The following LIMCH1 variants were observed in gnomAD, a reference collection of about 807,000 sequenced individuals.
The protein encoded by LIMCH1 is LIM and calponin homology domains 1, also known as LIM and calponin homology domains-containing protein 1.
Under a neutral mutation model 176.5 loss-of-function variants are expected in LIMCH1, and 113 were observed. That is an observed-to-expected ratio of 0.64 (90% CI 0.55 to 0.75). LIMCH1 has a LOEUF of 0.75. LIMCH1 is among the 30% of genes least tolerant of loss of function. The pLI, the probability that LIMCH1 is intolerant of heterozygous loss-of-function variation, is 0.00. For missense variants in LIMCH1, 1,674 were observed against 1,814.9 expected, an observed-to-expected ratio of 0.92 and a Z score of 1.41; for synonymous variants, 619 against 645.9, an observed-to-expected ratio of 0.96 and a Z score of 0.63.
intron 1 of LIMCH1, among the ~76,000 whole-genome samples, chr4:41,411,815 C>T (rs571751861): frequency 5.9e-5 from 9 of 151,524 alleles, no homozygotes; most frequent in East Asian, 5.8e-4. Context: ...AAAATTAGCC[C>T]GGCGTGGTGG....
chr4:41,603,882 G>T lies in LIMCH1; in HGVS notation c.-126G>T. On this transcript the variant is annotated 5_prime_UTR_variant, in exon 3 of 32. Transcript: ENST00000503057. The stretch of plus-strand genomic sequence containing the variant: ...TTCCCTTTCCTTGACTAGGAGCCTT[G>T]ATTATAGTAGGAAGCTGAAAAATGT... 6.2e-7 allele frequency: 1 copy of T among 1,606,462 alleles called. No homozygotes were observed. The highest frequency in any genetic ancestry group is 1.1e-5 in the South Asian group (1 of 90,496).
intron 1 of LIMCH1, among the ~76,000 whole-genome samples, chr4:41,569,155 G>A (rs746976080): frequency 3.3e-5 from 5 of 152,138 alleles, no homozygotes; most frequent in Non-Finnish European, 7.4e-5. Flanking sequence ...ATAATGCTGC[G>A]TGACCTGTTA....
chr4:41,638,076 A>T (rs2093665529), intron 13 of LIMCH1, among the ~76,000 whole-genome samples: 1 of 151,258 alleles, frequency 6.6e-6, no homozygotes, highest in African/African-American at 2.4e-5. Context: ...TGCTGAAGAG[A>T]CAGGCATTTG....
intron 10 of LIMCH1, 94 bp downstream of exon 10, chr4:41,631,571 A>G: frequency 9.4e-7 from 1 of 1,062,506 alleles, no homozygotes; most frequent in East Asian, 2.6e-5. Context: ...GCCCCTAGAG[A>G]TGACATAGTT....
Position 41,620,381 on chromosome 4 carries a change from C to G in LIMCH1, c.459-43C>G, listed in dbSNP as rs1186418019. 3 of 1,516,780 alleles carry G rather than the reference C, an allele frequency of 2.0e-6. No homozygotes were observed. The Admixed American group carries it at 6.0e-5, about 30-fold the overall frequency. 94.0% of individuals were successfully genotyped at this position (1,516,780 alleles called of 1,614,324 possible). ...AGATGACATGGGGTCTGCTCCCCAGCCCAGTCTGTTAGTTTGGTAAACCAT... is the reference window on the plus strand; with the variant it reads ...AGATGACATGGGGTCTGCTCCCCAGGCCAGTCTGTTAGTTTGGTAAACCAT... On this transcript the variant is annotated intron_variant, in intron 6 of 31. Transcript: ENST00000503057.
chr4:41,512,348 C>T (rs1224876130), intron 2 of LIMCH1, among the ~76,000 whole-genome samples: 1 of 152,104 alleles, frequency 6.6e-6, no homozygotes, highest in East Asian at 1.9e-4. Context: ...TTTGGCAGTT[C>T]CTCAAAAGGT....
At chr4:41,633,416 A>T in intron 12 of LIMCH1, 132 bp from the exon 13 acceptor site, 1 of 1,076,734 alleles carries the variant, frequency 9.3e-7, no homozygotes, top group Non-Finnish European at 1.3e-6. Flanking sequence ...TTTCCTGCTC[A>T]GCTGCTCTGT....
In LIMCH1 at chr4:41,546,058, A is replaced by G. The variant is rs139737326; in HGVS notation, c.-241+7708A>G. On this transcript the variant is annotated intron_variant, in intron 1 of 31. Coordinates refer to ENST00000503057, the MANE Select transcript of LIMCH1 (RefSeq NM_001330672.2). ...GATTTCTAAGCAGATATTTGATGATATATTGTTATAGGAATAAAAAATATG... is the reference window on the plus strand; with the variant it reads ...GATTTCTAAGCAGATATTTGATGATGTATTGTTATAGGAATAAAAAATATG... 3.1e-3 allele frequency among the ~76,000 whole-genome samples: 466 copies of G among 152,320 alleles called. 4 individuals carry two copies. Among genetic ancestry groups the G allele is most frequent in the African/African-American group, 0.01 (433 of 41,570 alleles).
chr4:41,462,796 T>G (rs143567304), intron 1 of LIMCH1, among the ~76,000 whole-genome samples: 1 of 152,176 alleles, frequency 6.6e-6, no homozygotes, highest in African/African-American at 2.4e-5. Flanking sequence ...CTGTTTGGCT[T>G]TTTTTCCCCC....
At chr4:41,373,949 T>C (rs2054346230) in intron 1 of LIMCH1, among the ~76,000 whole-genome samples, 1 of 152,190 alleles carries the variant, frequency 6.6e-6, no homozygotes, top group South Asian at 2.1e-4. Flanking sequence ...TCTCTCTTCC[T>C]CCTGTTCCTA....
chr4:41,579,567 C>T (rs774818856), intron 1 of LIMCH1, among the ~76,000 whole-genome samples: 7 of 152,132 alleles, frequency 4.6e-5, no homozygotes, highest in South Asian at 2.1e-4. Context: ...AACAGTGATC[C>T]GCATCATGTA....
chr4:41,697,265 C>A lies in LIMCH1; in HGVS notation c.*80C>A. 2.3e-6 allele frequency: 3 copies of A among 1,318,276 alleles called. No individual in the cohort carries two copies. The highest frequency in any genetic ancestry group is 2.3e-5 in the East Asian group (1 of 43,184). The allele number at this position is 1,318,276 out of a possible 1,614,324, so 81.7% of individuals were successfully genotyped here. A position where few individuals can be genotyped will look rare whatever the true frequency, so the allele number is the denominator to read the frequency against. ...GGCAACTGCTTAACAAAATCCCAAGCTCAGGGGCTTCTCAGCATTTACCTA... is the reference window on the plus strand; with the variant it reads ...GGCAACTGCTTAACAAAATCCCAAGATCAGGGGCTTCTCAGCATTTACCTA... On this transcript the variant is annotated 3_prime_UTR_variant, in exon 32 of 32. Transcript: ENST00000503057.
At position 41,684,528 on chromosome 4, in the gene LIMCH1, G is replaced by A; in HGVS notation, c.3967+10G>A. 1.2e-6 allele frequency: 2 copies of A among 1,611,708 alleles called. No homozygotes were observed. Among genetic ancestry groups the A allele is most frequent in the Non-Finnish European group, 1.7e-6 (2 of 1,179,054 alleles). On this transcript the variant is annotated intron_variant, in intron 27 of 31. Coordinates refer to ENST00000503057, the MANE Select transcript of LIMCH1 (RefSeq NM_001330672.2). ...CCACAGCTTGCTCAGGGTAAGAATG[G>A]AGAAGACCAGTTTCATTCAATGTTT...
chr4:41,522,250 G>A (rs1359993051), intron 2 of LIMCH1, among the ~76,000 whole-genome samples: 1 of 152,184 alleles, frequency 6.6e-6, no homozygotes, highest in Non-Finnish European at 1.5e-5. Context: ...ATGTATGGAT[G>A]AGGGGTCTCC....
At chr4:41,634,989 A>G (rs1385166509) in intron 13 of LIMCH1, among the ~76,000 whole-genome samples, 1 of 152,202 alleles carries the variant, frequency 6.6e-6, no homozygotes, top group Non-Finnish European at 1.5e-5. Context: ...GGTGAGGCCT[A>G]GAGACTGCCT....
At chr4:41,466,769 A>G (rs1456007662) in intron 1 of LIMCH1, among the ~76,000 whole-genome samples, 1 of 152,190 alleles carries the variant, frequency 6.6e-6, no homozygotes, top group Non-Finnish European at 1.5e-5. Flanking sequence ...GGTAAAATGT[A>G]CATAACATAA....
At chr4:41,521,717 G>A (rs1448991851) in intron 2 of LIMCH1, among the ~76,000 whole-genome samples, 1 of 152,162 alleles carries the variant, frequency 6.6e-6, no homozygotes, top group Non-Finnish European at 1.5e-5. Context: ...AGTCTTGAAA[G>A]TGAACATTAT....
chr4:41,686,601 A>C (rs1168978583), intron 28 of LIMCH1, among the ~76,000 whole-genome samples: 1 of 152,190 alleles, frequency 6.6e-6, no homozygotes, highest in African/African-American at 2.4e-5. Context: ...CTCCATTCAG[A>C]TTTTGACTCA....
chr4:41,676,674 A>G (rs1034434783), intron 23 of LIMCH1, among the ~76,000 whole-genome samples: 4 of 151,940 alleles, frequency 2.6e-5, no homozygotes, highest in African/African-American at 9.7e-5. Flanking sequence ...ATGATGAAAA[A>G]CCATTCATAT....
Sources: allele counts gnomAD v4.1 joint callset (sites outside exome capture counted in the v4.1 genomes callset), GRCh38; gene constraint gnomAD v4.1.1; transcripts MANE v1.5; gene names NCBI Gene and HGNC (gene_info 2026-07-23, HGNC 2026-07-21).